Variants in RAPGEF4 observed in about 807,000 individuals in gnomAD.
The protein encoded by RAPGEF4 is RAP guanine-nucleotide-exchange factor (GEF) 4.
Under a neutral mutation model 147.9 loss-of-function variants are expected in RAPGEF4, and 66 were observed. The ratio of observed to expected loss-of-function variants is 0.45; its 90% CI spans 0.37 to 0.55. The LOEUF is 0.55. RAPGEF4 is among the 20% of genes least tolerant of loss of function. The pLI is 0.00. For synonymous variants in RAPGEF4, 419 were observed against 442.7 expected (o/e 0.95, Z 0.67); for missense variants, 1,071 against 1,257.3 (o/e 0.85, Z 2.24).
At chr2:172,866,256 C>T (rs1694634046) in intron 4 of RAPGEF4, among the ~76,000 whole-genome samples, 1 of 152,082 alleles carries the variant, frequency 6.6e-6, no homozygotes, top group South Asian at 2.1e-4. Flanking sequence ...CTCCTCAATC[C>T]ACGGTGATTA....
At chr2:172,855,711 G>C (rs1366862590) in intron 4 of RAPGEF4, among the ~76,000 whole-genome samples, 1 of 152,088 alleles carries the variant, frequency 6.6e-6, no homozygotes, top group South Asian at 2.1e-4. Context: ...TAGAATTCTA[G>C]CTTGACAAAT....
At chr2:173,008,066 G>T (rs1383189158) in intron 17 of RAPGEF4, among the ~76,000 whole-genome samples, 3 of 76,404 alleles carry the variant, frequency 3.9e-5, no homozygotes, top group Non-Finnish European at 8.6e-5. Flanking sequence ...TAGATCGGGT[G>T]TGGCCCCCCC....
At chr2:172,878,555 G>C (rs1321722283) in intron 4 of RAPGEF4, among the ~76,000 whole-genome samples, 3 of 152,300 alleles carry the variant, frequency 2.0e-5, no homozygotes, top group East Asian at 3.9e-4. Context: ...AGAAGCTCAG[G>C]AAAGGGACAG....
At chr2:172,960,727 A>C (rs762196093) in intron 6 of RAPGEF4, 33 bp from the exon 7 acceptor site, 16 of 1,534,806 alleles carry the variant, frequency 1.0e-5, no homozygotes, top group African/African-American at 1.4e-5. Context: ...CTTTTTGTTT[A>C]ATTTTCTTTT....
At chr2:172,859,886 G>A (rs927334723) in intron 4 of RAPGEF4, among the ~76,000 whole-genome samples, 3 of 151,996 alleles carry the variant, frequency 2.0e-5, no homozygotes, top group Non-Finnish European at 4.4e-5. Context: ...ATCCTTTTGC[G>A]ACTCTGACTT....
At chr2:172,859,751 G>A (rs191789069) in intron 4 of RAPGEF4, among the ~76,000 whole-genome samples, 4 of 152,252 alleles carry the variant, frequency 2.6e-5, no homozygotes, top group Admixed American at 1.3e-4. Context: ...AAATAGTGTC[G>A]ATTCTGAATT....
intron 4 of RAPGEF4, among the ~76,000 whole-genome samples, chr2:172,870,524 C>T (rs1276912607): frequency 6.6e-6 from 1 of 152,084 alleles, no homozygotes; most frequent in Non-Finnish European, 1.5e-5. Context: ...ATTTGTTTTC[C>T]TATTCCTGGT....
rs371818284 is a variant in RAPGEF4, at chr2:173,030,412, C to T, written c.2649+158C>T. ...TGACCTGTCTCCTTTTTCCAGTTGC[C>T]TCAGAGGGAGAATTTTTAAAAGATA... On this transcript the variant is annotated intron_variant, in intron 26 of 30. Coordinates refer to ENST00000397081, the MANE Select transcript of RAPGEF4 (RefSeq NM_007023.4). Among the ~76,000 whole-genome samples, 15 of 152,252 alleles carry T rather than the reference C, an allele frequency of 9.9e-5. 1 individual carries two copies. The highest frequency in any genetic ancestry group is 3.6e-4 in the African/African-American group (15 of 41,540).
At chr2:172,965,180 G>A (rs1162896627) in intron 8 of RAPGEF4, 2 of 219,308 alleles carry the variant, frequency 9.1e-6, no homozygotes, top group Non-Finnish European at 1.8e-5. Flanking sequence ...GGTGGAGAGA[G>A]TCAGTATGTA....
At chr2:172,975,735 T>A (rs555820007) in intron 10 of RAPGEF4, among the ~76,000 whole-genome samples, 2 of 152,330 alleles carry the variant, frequency 1.3e-5, no homozygotes, top group South Asian at 4.1e-4. Flanking sequence ...CAAAAAACAT[T>A]TGCATTTTCC....
At chr2:172,905,658 C>T (rs1437290308) in intron 4 of RAPGEF4, among the ~76,000 whole-genome samples, 1 of 152,214 alleles carries the variant, frequency 6.6e-6, no homozygotes, top group Non-Finnish European at 1.5e-5. Context: ...GTTTGGAAAG[C>T]ATCTTCTACT....
chr2:173,036,241 C>T, intron 28 of RAPGEF4, 29 bp downstream of exon 28: 1 of 1,496,398 alleles, frequency 6.7e-7, no homozygotes, highest in Non-Finnish European at 9.3e-7. Flanking sequence ...ACAGGCCAAG[C>T]AGGTGATGAG....
intron 12 of RAPGEF4, 91 bp downstream of exon 12, chr2:172,985,584 T>C: frequency 6.4e-7 from 1 of 1,557,926 alleles, no homozygotes; most frequent in South Asian, 1.2e-5. Flanking sequence ...GCCTCACTTC[T>C]TGGCCCCGGG....
chr2:172,955,754 GTCC>G (rs1688666394), intron 6 of RAPGEF4, among the ~76,000 whole-genome samples: 1 of 152,192 alleles, frequency 6.6e-6, no homozygotes, highest in Non-Finnish European at 1.5e-5. Context: ...CCGTCCCGCT[GTCC>G]TCCTGCCTAG....
At chr2:173,030,779 C>A (rs1328011413) in intron 26 of RAPGEF4, among the ~76,000 whole-genome samples, 1 of 152,174 alleles carries the variant, frequency 6.6e-6, no homozygotes, top group Non-Finnish European at 1.5e-5. Flanking sequence ...CGGAGAGGAA[C>A]AACAGTTGGC....
At chr2:172,834,190 T>C (rs530672849) in intron 4 of RAPGEF4, among the ~76,000 whole-genome samples, 1 of 152,370 alleles carries the variant, frequency 6.6e-6, no homozygotes, top group East Asian at 1.9e-4. Flanking sequence ...ACACACCAGA[T>C]ACTTTCAATT....
intron 6 of RAPGEF4, among the ~76,000 whole-genome samples, chr2:172,951,815 T>C (rs74405812): frequency 0.081 from 12,306 of 151,978 alleles, 788 homozygotes; most frequent in Non-Finnish European, 0.12. Context: ...CATTGGAGGA[T>C]TTGGGGCAAC....
chr2:172,996,643 A>G, intron 16 of RAPGEF4, 89 bp downstream of exon 16: 2 of 921,066 alleles, frequency 2.2e-6, no homozygotes, highest in Non-Finnish European at 1.7e-6. Context: ...TGTATAGCGA[A>G]AGCAGTTTGG....
At chr2:172,819,577 T>C (rs1688859289) in intron 4 of RAPGEF4, among the ~76,000 whole-genome samples, 2 of 146,028 alleles carry the variant, frequency 1.4e-5, no homozygotes, top group African/African-American at 2.5e-5. Flanking sequence ...GCCATTCTCC[T>C]GCCTCAGCCT....
Sources: gnomAD v4.1 joint callset for allele counts (sites outside exome capture counted in the v4.1 genomes callset) on GRCh38, gnomAD v4.1.1 for gene constraint, MANE v1.5 for transcripts, NCBI Gene and HGNC (gene_info 2026-07-23, HGNC 2026-07-21) for gene names.